The following ASCC3 variants were observed in gnomAD, a reference collection of about 807,000 sequenced individuals.
ASCC3 encodes the protein ASC-1 complex subunit P200.
A neutral mutation model predicts 256.3 loss-of-function variants in ASCC3; 158 were observed. That is an observed-to-expected ratio of 0.62 (90% CI 0.54 to 0.70). The LOEUF is 0.70. Ranked by LOEUF, ASCC3 falls within the 30% of genes least tolerant of loss-of-function variation. The probability of loss-of-function intolerance (pLI) is 0.00; values close to 1 mark genes in which losing one functional copy is unlikely to be tolerated. For synonymous variants in ASCC3, 948 were observed against 883.4 expected (o/e 1.07, Z -1.30); for missense variants, 2,259 against 2,626.0 (o/e 0.86, Z 3.05).
chr6:100,687,340 T>C (rs954305668), intron 13 of ASCC3, among the ~76,000 whole-genome samples: 6 of 152,034 alleles, frequency 3.9e-5, no homozygotes, highest in Non-Finnish European at 8.8e-5. Context: ...GTCTTACCCA[T>C]TGAAGCAAAT....
At position 100,573,436 on chromosome 6, in the gene ASCC3, G is replaced by A. The variant is rs987134453; in HGVS notation, c.5550+16198C>T. On this transcript the variant is annotated intron_variant, in intron 36 of 41. Coordinates refer to ENST00000369162, the MANE Select transcript of ASCC3 (RefSeq NM_006828.4). The stretch of plus-strand genomic sequence containing the variant: ...TTTTAGAGTACTTAAACTTTATTGG[G>A]ATGAAATTAGAAACATTTAAGCAGA... Among the ~76,000 whole-genome samples, 17 of 152,096 alleles carry A rather than the reference G, an allele frequency of 1.1e-4. No homozygotes were observed. The South Asian group carries it at 1.5e-3, about 13-fold the overall frequency.
intron 4 of ASCC3, among the ~76,000 whole-genome samples, chr6:100,819,467 C>T (rs192180543): frequency 2.0e-5 from 3 of 152,204 alleles, no homozygotes; most frequent in East Asian, 1.9e-4. Flanking sequence ...CACAAAAGGC[C>T]GTCTGCAAGC....
At chr6:100,773,267 A>T (rs1188928671) in intron 8 of ASCC3, among the ~76,000 whole-genome samples, 1 of 150,486 alleles carries the variant, frequency 6.6e-6, no homozygotes, top group East Asian at 1.9e-4. Flanking sequence ...TTACTATCAT[A>T]TATCATTTCA....
intron 15 of ASCC3, 91 bp downstream of exon 15, chr6:100,662,254 C>T: frequency 7.4e-7 from 1 of 1,348,366 alleles, no homozygotes; most frequent in Admixed American, 2.4e-5. Flanking sequence ...AAGGAAACAG[C>T]CAAATCACAA....
intron 12 of ASCC3, among the ~76,000 whole-genome samples, chr6:100,716,759 T>C (rs925338118): frequency 2.4e-4 from 36 of 152,080 alleles, no homozygotes; most frequent in African/African-American, 8.4e-4. Flanking sequence ...TAGTGAAATA[T>C]ACTTTGGATT....
chr6:100,840,094 A>T (rs1464391712), intron 4 of ASCC3, among the ~76,000 whole-genome samples: 1 of 152,214 alleles, frequency 6.6e-6, no homozygotes, highest in Non-Finnish European at 1.5e-5. Flanking sequence ...ATAACCTAAA[A>T]TAGCAGACAA....
At chr6:100,708,133 A>C (rs570661422) in intron 13 of ASCC3, among the ~76,000 whole-genome samples, 1 of 152,278 alleles carries the variant, frequency 6.6e-6, no homozygotes, top group South Asian at 2.1e-4. Context: ...AAATTACAAC[A>C]AAGTTTTCAC....
intron 4 of ASCC3, among the ~76,000 whole-genome samples, chr6:100,837,868 A>C (rs184031779): frequency 6.6e-6 from 1 of 152,202 alleles, no homozygotes; most frequent in African/African-American, 2.4e-5. Flanking sequence ...TATTTCAAAA[A>C]AGCTGGAAAA....
At chr6:100,685,692 G>A (rs1031505438) in intron 13 of ASCC3, among the ~76,000 whole-genome samples, 1 of 152,226 alleles carries the variant, frequency 6.6e-6, no homozygotes, top group African/African-American at 2.4e-5. Context: ...GAATGGGAAT[G>A]CCACTACAGA....
At chr6:100,819,288 C>A (rs1325391133) in intron 4 of ASCC3, among the ~76,000 whole-genome samples, 1 of 152,032 alleles carries the variant, frequency 6.6e-6, no homozygotes, top group East Asian at 1.9e-4. Context: ...ACGTTGTGCA[C>A]ATGTACCCTA....
At chr6:100,559,725 A>C (rs1221089755) in intron 36 of ASCC3, among the ~76,000 whole-genome samples, 3 of 152,026 alleles carry the variant, frequency 2.0e-5, no homozygotes, top group Non-Finnish European at 4.4e-5. Flanking sequence ...TGGTGCCTGT[A>C]ATCCCAAATA....
chr6:100,566,520 G>A (rs985648788), intron 36 of ASCC3, among the ~76,000 whole-genome samples: 9 of 152,082 alleles, frequency 5.9e-5, no homozygotes, highest in African/African-American at 2.2e-4. Flanking sequence ...AAAAATTAAA[G>A]TCAACAGAAG....
chr6:100,594,061 A>G (rs1772147789), intron 34 of ASCC3, among the ~76,000 whole-genome samples: 1 of 152,074 alleles, frequency 6.6e-6, no homozygotes, highest in Non-Finnish European at 1.5e-5. Flanking sequence ...ATAGTGACCA[A>G]CTCAGGAACA....
intron 36 of ASCC3, among the ~76,000 whole-genome samples, chr6:100,578,061 A>G (rs1034764159): frequency 3.3e-5 from 5 of 151,988 alleles, no homozygotes; most frequent in Non-Finnish European, 7.4e-5. Flanking sequence ...CAAACTCAGA[A>G]ACTGTCTGTT....
intron 40 of ASCC3, among the ~76,000 whole-genome samples, chr6:100,512,215 T>G (rs1773798950): frequency 6.6e-6 from 1 of 152,194 alleles, no homozygotes; most frequent in Non-Finnish European, 1.5e-5. Flanking sequence ...TTATTCAAAT[T>G]CATAGAGCTA....
rs111313935 is a variant in ASCC3, at chr6:100,709,925, T to C, written c.2151+5537A>G. On this transcript the variant is annotated intron_variant, in intron 13 of 41. Transcript: ENST00000369162. ...TAGCTAACAAACAGTATAGGAGATA[T>C]GTAGGTATTTCTACAAAACCTGAAG... Among the ~76,000 whole-genome samples the C allele has an allele frequency of 4.8e-3, 726 of 152,282 alleles. 7 individuals carry two copies. Among genetic ancestry groups the C allele is most frequent in the African/African-American group, 0.016 (682 of 41,564 alleles).
intron 10 of ASCC3, among the ~76,000 whole-genome samples, chr6:100,761,511 G>A (rs1781423396): frequency 2.0e-5 from 3 of 152,084 alleles, no homozygotes; most frequent in South Asian, 4.2e-4. Flanking sequence ...TATAAAAAAC[G>A]AAGAATAGAA....
At chr6:100,600,975 G>A (rs1368955687) in intron 34 of ASCC3, among the ~76,000 whole-genome samples, 1 of 152,070 alleles carries the variant, frequency 6.6e-6, no homozygotes, top group East Asian at 1.9e-4. Context: ...GGCCTACTTT[G>A]TAGTCAAGAC....
At chr6:100,557,578 T>C (rs959549201) in intron 36 of ASCC3, among the ~76,000 whole-genome samples, 2 of 152,094 alleles carry the variant, frequency 1.3e-5, no homozygotes, top group South Asian at 2.1e-4. Flanking sequence ...GACATTAGTA[T>C]GGTATAATTC....
Sources: gnomAD v4.1 joint callset for allele counts (sites outside exome capture counted in the v4.1 genomes callset) on GRCh38, gnomAD v4.1.1 for gene constraint, MANE v1.5 for transcripts, NCBI Gene and HGNC (gene_info 2026-07-23, HGNC 2026-07-21) for gene names.